The following THSD7A variants were observed in gnomAD, a reference collection of about 807,000 sequenced individuals.
THSD7A encodes the protein thrombospondin type 1 domain containing 7A.
A neutral mutation model predicts 231.3 loss-of-function variants in THSD7A; 96 were observed. The observed-to-expected ratio is 0.41, with a 90% CI of 0.35 to 0.49. The LOEUF is 0.49. Ranked by LOEUF, THSD7A falls within the 20% of genes least tolerant of loss-of-function variation. THSD7A has a pLI of 0.05. For synonymous variants in THSD7A, 940 were observed against 743.3 expected, an observed-to-expected ratio of 1.26 and a Z score of -4.30; for missense variants, 2,290 against 2,070.2, an observed-to-expected ratio of 1.11 and a Z score of -2.06.
intron 1 of THSD7A, among the ~76,000 whole-genome samples, chr7:11,704,457 C>A (rs1205404981): frequency 6.6e-6 from 1 of 150,428 alleles, no homozygotes; most frequent in Non-Finnish European, 1.5e-5. Context: ...GGTGGAATAC[C>A]ATCTTAAAAC....
chr7:11,655,474 CT>C (rs1329264385), intron 1 of THSD7A, among the ~76,000 whole-genome samples: 1 of 151,808 alleles, frequency 6.6e-6, no homozygotes, highest in African/African-American at 2.4e-5. Flanking sequence ...TTCCTAACAG[CT>C]TTTCAACTCC....
chr7:11,703,526 ATTTGTC>A (rs1562488926), intron 1 of THSD7A, among the ~76,000 whole-genome samples: 1 of 151,176 alleles, frequency 6.6e-6, no homozygotes, highest in Non-Finnish European at 1.5e-5. Flanking sequence ...TGGAATTAAT[ATTTGTC>A]TTTATCTTAA....
Position 11,483,565 on chromosome 7 carries a change from T to C in THSD7A, c.1823-1583A>G, listed in dbSNP as rs970821909. On this transcript the variant is annotated intron_variant, in intron 6 of 27. Transcript: ENST00000423059. ...AAATGTACTAAACAGATAGTAGATA[T>C]ATAGGTACATAGGTAGAGTATGAAA... Among the ~76,000 whole-genome samples, 7 of 152,320 alleles carry C rather than the reference T, an allele frequency of 4.6e-5. 1 individual carries two copies. The highest frequency in any genetic ancestry group is 3.9e-4 in the Admixed American group (6 of 15,302).
intron 9 of THSD7A, among the ~76,000 whole-genome samples, chr7:11,462,407 C>G (rs1197867394): frequency 6.6e-6 from 1 of 152,158 alleles, no homozygotes; most frequent in Non-Finnish European, 1.5e-5. Flanking sequence ...GGTGCAGTCA[C>G]AAAGTAATTG....
chr7:11,443,529 A>G (rs1784868972), intron 13 of THSD7A, among the ~76,000 whole-genome samples: 1 of 152,024 alleles, frequency 6.6e-6, no homozygotes, highest in Non-Finnish European at 1.5e-5. Flanking sequence ...CAACTCAGCA[A>G]TGCATGTATA....
At chr7:11,557,849 A>G (rs564471775) in intron 4 of THSD7A, among the ~76,000 whole-genome samples, 1 of 152,254 alleles carries the variant, frequency 6.6e-6, no homozygotes, top group Admixed American at 6.5e-5. Flanking sequence ...GCCTTCTCTA[A>G]CACCACCTAG....
intron 17 of THSD7A, chr7:11,413,770 C>G (rs1783867871): frequency 6.6e-6 from 1 of 152,106 alleles, no homozygotes; most frequent in Non-Finnish European, 1.5e-5. Flanking sequence ...AGTAGATTGG[C>G]CTTTGAGATA....
intron 2 of THSD7A, among the ~76,000 whole-genome samples, chr7:11,616,883 A>C (rs1286283775): frequency 6.6e-6 from 1 of 152,212 alleles, no homozygotes; most frequent in African/African-American, 2.4e-5. Flanking sequence ...TAATCCTCAC[A>C]AGTTTTTGAT....
chr7:11,691,574 T>TCTCTAGCTTATAATA (rs1416499099), intron 1 of THSD7A, among the ~76,000 whole-genome samples: 1 of 151,346 alleles, frequency 6.6e-6, no homozygotes, highest in African/African-American at 2.4e-5. Flanking sequence ...AAATTATAAT[T>TCTCTAGCTTATAATA]CTCTATCTTA....
intron 6 of THSD7A, among the ~76,000 whole-genome samples, chr7:11,512,286 C>A (rs1787843446): frequency 1.3e-5 from 2 of 152,154 alleles, no homozygotes; most frequent in Admixed American, 1.3e-4. Flanking sequence ...CAGGAAGCAA[C>A]AGGTGCTGGA....
At chr7:11,611,972 T>C (rs1780949210) in intron 2 of THSD7A, among the ~76,000 whole-genome samples, 1 of 152,098 alleles carries the variant, frequency 6.6e-6, no homozygotes, top group African/African-American at 2.4e-5. Flanking sequence ...GAATTGCTGC[T>C]ACTGGCCCTC....
chr7:11,390,678 T>C (rs998663142), intron 23 of THSD7A, among the ~76,000 whole-genome samples: 1 of 152,172 alleles, frequency 6.6e-6, no homozygotes, highest in African/African-American at 2.4e-5. Context: ...GGCATTCTGG[T>C]TTTTGAAATT....
chr7:11,528,101 A>C (rs2128318438), intron 6 of THSD7A, among the ~76,000 whole-genome samples: 1 of 152,274 alleles, frequency 6.6e-6, no homozygotes, highest in African/African-American at 2.4e-5. Context: ...CAGGAGTTTG[A>C]GGGCTGCAGT....
At chr7:11,509,618 G>A (rs549778224) in intron 6 of THSD7A, among the ~76,000 whole-genome samples, 1 of 151,206 alleles carries the variant, frequency 6.6e-6, no homozygotes, top group African/African-American at 2.4e-5. Flanking sequence ...GGATCACGAG[G>A]TCAGGAGATC....
At chr7:11,787,720 T>C (rs1378989486) in intron 1 of THSD7A, among the ~76,000 whole-genome samples, 1 of 152,100 alleles carries the variant, frequency 6.6e-6, no homozygotes, top group East Asian at 1.9e-4. Context: ...GGACACTGTT[T>C]AGAATAACTA....
At chr7:11,789,548 CCATTT>C (rs1783887554) in intron 1 of THSD7A, among the ~76,000 whole-genome samples, 1 of 143,568 alleles carries the variant, frequency 7.0e-6, no homozygotes, top group Admixed American at 7.1e-5. Flanking sequence ...ATGTTTTTGC[CCATTT>C]ATTTGTCTTT....
chr7:11,727,504 T>C (rs1267499953), intron 1 of THSD7A, among the ~76,000 whole-genome samples: 3 of 152,014 alleles, frequency 2.0e-5, no homozygotes, highest in Admixed American at 1.3e-4. Flanking sequence ...TATTATAAGA[T>C]AGACATTCAT....
chr7:11,463,232 A>G (rs551349111), intron 9 of THSD7A, among the ~76,000 whole-genome samples: 1 of 152,184 alleles, frequency 6.6e-6, no homozygotes, highest in Non-Finnish European at 1.5e-5. Context: ...CATTGCCATA[A>G]TGGAATATCC....
intron 17 of THSD7A, chr7:11,413,782 C>T (rs1732861590): frequency 6.6e-6 from 1 of 152,166 alleles, no homozygotes. Context: ...TTTGAGATAT[C>T]TTTTCCATTT....
Sources: gnomAD v4.1 joint callset for allele counts (sites outside exome capture counted in the v4.1 genomes callset) on GRCh38, gnomAD v4.1.1 for gene constraint, MANE v1.5 for transcripts, NCBI Gene and HGNC (gene_info 2026-07-23, HGNC 2026-07-21) for gene names.